The following AFG2A variants were observed in gnomAD, a reference collection of about 807,000 sequenced individuals.
AFG2A encodes ATPase family gene 2 protein homolog A.
chr4:123,055,597 T>G, the AFG2A span, among the ~76,000 whole-genome samples: 3 of 152,204 alleles, frequency 2.0e-5, no homozygotes, highest in Non-Finnish European at 4.4e-5. Context: ...TAAGTCAGTG[T>G]CTTGTTACAT....
the AFG2A span, among the ~76,000 whole-genome samples, chr4:123,273,020 A>C: frequency 6.6e-6 from 1 of 152,142 alleles, no homozygotes; most frequent in Non-Finnish European, 1.5e-5. Flanking sequence ...GACACAAAGA[A>C]AGGTTTTGCC....
At chr4:123,108,097 T>C in the AFG2A span, among the ~76,000 whole-genome samples, 1 of 152,194 alleles carries the variant, frequency 6.6e-6, no homozygotes, top group African/African-American at 2.4e-5. Context: ...TTGGCAGAGC[T>C]TGCAACTCTA....
the AFG2A span, among the ~76,000 whole-genome samples, chr4:123,127,379 G>A: frequency 2.8e-4 from 43 of 152,228 alleles, no homozygotes; most frequent in South Asian, 8.9e-3. Context: ...GCAGAGGGCA[G>A]TCAAACCATA....
the AFG2A span, chr4:122,934,223 A>T: frequency 6.2e-7 from 1 of 1,614,192 alleles, no homozygotes; most frequent in Non-Finnish European, 8.5e-7. Flanking sequence ...AGTGACTCTG[A>T]CACTGATGCC....
At chr4:122,951,099 G>C in the AFG2A span, among the ~76,000 whole-genome samples, 1 of 151,030 alleles carries the variant, frequency 6.6e-6, no homozygotes, top group Non-Finnish European at 1.5e-5. Context: ...TGCAGTGTGG[G>C]GATCCACATG....
At chr4:123,050,955 G>A in the AFG2A span, among the ~76,000 whole-genome samples, 1 of 151,924 alleles carries the variant, frequency 6.6e-6, no homozygotes, top group Non-Finnish European at 1.5e-5. Flanking sequence ...TGGTCAGGTT[G>A]GTCTCAAACT....
At chr4:123,267,796 T>A in the AFG2A span, among the ~76,000 whole-genome samples, 3 of 137,162 alleles carry the variant, frequency 2.2e-5, no homozygotes, top group African/African-American at 7.9e-5. Flanking sequence ...AACTAAGTTC[T>A]GTATTATTTT....
At chr4:123,018,719 C>T in the AFG2A span, among the ~76,000 whole-genome samples, 123,839 of 151,732 alleles carry the variant, frequency 0.82, 52,133 homozygotes, top group East Asian at 0.96. Context: ...CTGCAACCTC[C>T]GCCTCCCAGG....
At chr4:123,143,809 G>A in the AFG2A span, among the ~76,000 whole-genome samples, 1 of 147,938 alleles carries the variant, frequency 6.8e-6, no homozygotes, top group Non-Finnish European at 1.5e-5. Context: ...CTTCATTCAG[G>A]GATATGCATA....
the AFG2A span, among the ~76,000 whole-genome samples, chr4:123,251,802 T>C: frequency 1.3e-5 from 2 of 152,132 alleles, no homozygotes; most frequent in Non-Finnish European, 1.5e-5. Flanking sequence ...GTGTACAGAA[T>C]TGTCTGCAAA....
At chr4:123,007,171 T>C in the AFG2A span, among the ~76,000 whole-genome samples, 9 of 152,120 alleles carry the variant, frequency 5.9e-5, no homozygotes, top group Admixed American at 5.9e-4. Flanking sequence ...TTTTTAGTCT[T>C]GTGTTTAAAT....
chr4:123,101,062 C>T, the AFG2A span, among the ~76,000 whole-genome samples: 1 of 151,838 alleles, frequency 6.6e-6, no homozygotes, highest in Admixed American at 6.6e-5. Context: ...CTGTCATTCT[C>T]TATGTATTTC....
chr4:122,945,761 G>A, the AFG2A span, among the ~76,000 whole-genome samples: 1,834 of 152,306 alleles, frequency 0.012, 41 homozygotes, highest in African/African-American at 0.041. Flanking sequence ...GCTGTAGACC[G>A]GAGCTGTTCC....
the AFG2A span, chr4:122,979,231 G>C: frequency 1.2e-6 from 2 of 1,613,612 alleles, no homozygotes; most frequent in East Asian, 2.2e-5. Flanking sequence ...TCTCTTTATA[G>C]GTCTCTGTGC....
At chr4:123,099,051 A>C in the AFG2A span, among the ~76,000 whole-genome samples, 1 of 152,066 alleles carries the variant, frequency 6.6e-6, no homozygotes, top group South Asian at 2.1e-4. Context: ...GACAATAGCT[A>C]TTCTAACAGG....
the AFG2A span, among the ~76,000 whole-genome samples, chr4:123,309,446 C>T: frequency 6.6e-6 from 1 of 152,158 alleles, no homozygotes; most frequent in Non-Finnish European, 1.5e-5. Context: ...ACAGAACGCT[C>T]ACAACCTAAT....
chr4:123,145,338 T>C, the AFG2A span, among the ~76,000 whole-genome samples: 1 of 89,932 alleles, frequency 1.1e-5, no homozygotes, highest in African/African-American at 2.6e-5. Flanking sequence ...GTAAAAGACA[T>C]AAAAGCCTTA....
the AFG2A span, among the ~76,000 whole-genome samples, chr4:123,090,007 A>AG: frequency 1.3e-5 from 2 of 152,312 alleles, no homozygotes; most frequent in East Asian, 3.9e-4. Context: ...AGGAAAAAAA[A>AG]CTAGCCTGCT....
the AFG2A span, among the ~76,000 whole-genome samples, chr4:122,973,211 C>G: frequency 6.6e-6 from 1 of 152,036 alleles, no homozygotes; most frequent in African/African-American, 2.4e-5. Flanking sequence ...GCACTGTTAT[C>G]CTTCCATGTA....
Sources: gnomAD v4.1 joint callset for allele counts (sites outside exome capture counted in the v4.1 genomes callset) on GRCh38, gnomAD v4.1.1 for gene constraint, MANE v1.5 for transcripts, NCBI Gene and HGNC (gene_info 2026-07-23, HGNC 2026-07-21) for gene names.